Variants in LRRTM4 observed in about 807,000 individuals in gnomAD.
LRRTM4 encodes leucine-rich repeat transmembrane neuronal protein 4.
LRRTM4 carries 25 observed loss-of-function variants against 47.6 expected under a neutral mutation model. That is an observed-to-expected ratio of 0.53 (90% CI 0.38 to 0.73). The LOEUF is 0.73. LRRTM4 is among the 30% of genes least tolerant of loss of function. LRRTM4 has a pLI of 0.00. For missense variants in LRRTM4, 638 were observed against 713.4 expected, an observed-to-expected ratio of 0.89 and a Z score of 1.20; for synonymous variants, 311 against 269.5, an observed-to-expected ratio of 1.15 and a Z score of -1.51.
chr2:77,153,874 T>C (rs1045971022), intron 3 of LRRTM4, among the ~76,000 whole-genome samples: 2 of 152,186 alleles, frequency 1.3e-5, no homozygotes, highest in African/African-American at 4.8e-5. Context: ...AAAGAAACTT[T>C]TAATTATTAA....
intron 3 of LRRTM4, among the ~76,000 whole-genome samples, chr2:76,865,889 T>A (rs927537893): frequency 1.3e-5 from 2 of 152,194 alleles, no homozygotes; most frequent in African/African-American, 4.8e-5. Flanking sequence ...TCTAGACCTC[T>A]GAAGATCACT....
At chr2:76,795,534 C>T (rs960504414) in intron 3 of LRRTM4, among the ~76,000 whole-genome samples, 5 of 151,674 alleles carry the variant, frequency 3.3e-5, no homozygotes, top group African/African-American at 4.9e-5. Context: ...ACATATATAC[C>T]ATATGCATAT....
At chr2:77,003,022 T>C (rs966295807) in intron 3 of LRRTM4, among the ~76,000 whole-genome samples, 1 of 152,184 alleles carries the variant, frequency 6.6e-6, no homozygotes, top group Non-Finnish European at 1.5e-5. Context: ...TTATGTAGAA[T>C]AGACTTGACA....
At chr2:77,321,425 C>T (rs1386467183) in intron 3 of LRRTM4, among the ~76,000 whole-genome samples, 1 of 151,594 alleles carries the variant, frequency 6.6e-6, no homozygotes, top group Non-Finnish European at 1.5e-5. Flanking sequence ...ATTGTGAGTT[C>T]AGGAATTAGA....
chr2:77,379,770 G>T (rs993588553), intron 3 of LRRTM4, among the ~76,000 whole-genome samples: 7 of 151,970 alleles, frequency 4.6e-5, no homozygotes, highest in Non-Finnish European at 4.4e-5. Flanking sequence ...TAAACAGAAG[G>T]CTGGTAATTA....
intron 3 of LRRTM4, among the ~76,000 whole-genome samples, chr2:77,273,944 A>C (rs1676271707): frequency 6.6e-6 from 1 of 152,152 alleles, no homozygotes; most frequent in African/African-American, 2.4e-5. Flanking sequence ...TAGTTAGAAA[A>C]TTCTTAGGAA....
At chr2:76,883,897 T>C (rs551049154) in intron 3 of LRRTM4, among the ~76,000 whole-genome samples, 2 of 152,230 alleles carry the variant, frequency 1.3e-5, no homozygotes, top group South Asian at 4.2e-4. Flanking sequence ...TAGCTCACTG[T>C]AGTCTCAAAC....
At position 77,205,090 on chromosome 2, in the gene LRRTM4, T is replaced by C. The variant is rs539319449; in HGVS notation, c.1551+313228A>G. The stretch of plus-strand genomic sequence containing the variant: ...CTTATCCGTTGGAAGGGTATGAACA[T>C]TTTCCAGTGCCGGAAGAAGGCAACA... On this transcript the variant is annotated intron_variant, in intron 3 of 3. Coordinates refer to ENST00000409884, the MANE Select transcript of LRRTM4 (RefSeq NM_001134745.3). Among the ~76,000 whole-genome samples the C allele has an allele frequency of 5.8e-4, 89 of 152,340 alleles. 2 individuals are homozygous for C. The South Asian group carries it at 0.018, about 31-fold the overall frequency.
intron 3 of LRRTM4, among the ~76,000 whole-genome samples, chr2:77,043,891 G>A (rs62170904): frequency 0.12 from 18,255 of 150,700 alleles, 1,383 homozygotes; most frequent in Admixed American, 0.19. Context: ...CATTTTTGCA[G>A]CCCATAAACA....
intron 3 of LRRTM4, among the ~76,000 whole-genome samples, chr2:77,339,078 T>G (rs1399668872): frequency 1.3e-5 from 2 of 151,638 alleles, no homozygotes; most frequent in Non-Finnish European, 2.9e-5. Context: ...TTGGGAACAA[T>G]AGATACAGGG....
intron 3 of LRRTM4, among the ~76,000 whole-genome samples, chr2:76,930,352 G>A (rs755267891): frequency 3.9e-5 from 6 of 152,098 alleles, no homozygotes; most frequent in Admixed American, 3.3e-4. Context: ...ACACACACAC[G>A]CGATATGGTT....
chr2:76,906,693 A>C (rs1390274477), intron 3 of LRRTM4, among the ~76,000 whole-genome samples: 1 of 151,904 alleles, frequency 6.6e-6, no homozygotes, highest in Non-Finnish European at 1.5e-5. Flanking sequence ...CAGGGGTTGC[A>C]ATCCTAGTCT....
intron 3 of LRRTM4, among the ~76,000 whole-genome samples, chr2:77,421,814 G>T (rs1275579240): frequency 6.6e-6 from 1 of 152,098 alleles, no homozygotes; most frequent in Non-Finnish European, 1.5e-5. Flanking sequence ...TAACACCAGG[G>T]TTGAGAAATC....
chr2:77,083,387 C>T (rs1308549428), intron 3 of LRRTM4, among the ~76,000 whole-genome samples: 1 of 152,062 alleles, frequency 6.6e-6, no homozygotes, highest in Admixed American at 6.6e-5. Context: ...CCAACATAGG[C>T]ACCAAAACAA....
At chr2:77,049,124 A>ATG (rs1679335233) in intron 3 of LRRTM4, among the ~76,000 whole-genome samples, 1 of 69,832 alleles carries the variant, frequency 1.4e-5, no homozygotes, top group African/African-American at 6.7e-5. Context: ...TTCATTTTTT[A>ATG]TATATATATA....
intron 3 of LRRTM4, among the ~76,000 whole-genome samples, chr2:77,314,121 TA>T (rs1394643472): frequency 6.6e-6 from 1 of 152,218 alleles, no homozygotes; most frequent in African/African-American, 2.4e-5. Context: ...ACGCATATTT[TA>T]GATCAAGCTT....
intron 3 of LRRTM4, among the ~76,000 whole-genome samples, chr2:76,865,905 T>C (rs1169880256): frequency 6.6e-6 from 1 of 152,052 alleles, no homozygotes; most frequent in Non-Finnish European, 1.5e-5. Context: ...TCACTTTACA[T>C]TATGAAAAAT....
Position 76,911,671 on chromosome 2 carries a change from A to G in LRRTM4, c.1552-162755T>C, listed in dbSNP as rs140772446. Among the ~76,000 whole-genome samples, 1,021 of 152,234 alleles carry G rather than the reference A, an allele frequency of 6.7e-3. 5 individuals are homozygous for G. The highest frequency in any genetic ancestry group is 0.011 in the Non-Finnish European group (756 of 68,010). On this transcript the variant is annotated intron_variant, in intron 3 of 3. Transcript: ENST00000409884. ...AGAGAGAGAAGAGGTAAAGAGAGAAAGAAAGAGAGGGAAGGATGGAGAGGA... is the reference window on the plus strand; with the variant it reads ...AGAGAGAGAAGAGGTAAAGAGAGAAGGAAAGAGAGGGAAGGATGGAGAGGA...
chr2:77,321,612 A>G (rs990248787), intron 3 of LRRTM4, among the ~76,000 whole-genome samples: 1 of 151,908 alleles, frequency 6.6e-6, no homozygotes, highest in Non-Finnish European at 1.5e-5. Context: ...ATGAATTGCC[A>G]TGACTTAATG....
Sources: allele counts gnomAD v4.1 joint callset (sites outside exome capture counted in the v4.1 genomes callset), GRCh38; gene constraint gnomAD v4.1.1; transcripts MANE v1.5; gene names NCBI Gene and HGNC (gene_info 2026-07-23, HGNC 2026-07-21).